Variants in LRRC56 observed in about 807,000 individuals in gnomAD.
LRRC56 encodes the protein leucine rich repeat containing 56, also known as leucine-rich repeat-containing protein 56.
In LRRC56, 41 loss-of-function variants were observed where a neutral mutation model predicts 47.8. The observed-to-expected ratio is 0.86, with a 90% CI of 0.67 to 1.11. LRRC56 has a LOEUF of 1.11. Among genes scored for constraint, LRRC56 ranks in the 50% most tolerant of loss-of-function variants. The pLI is 0.00. For missense variants in LRRC56, 759 were observed against 704.2 expected (o/e 1.08, Z -0.88); for synonymous variants, 387 against 311.2 (o/e 1.24, Z -2.56).
At chr11:547,648 G>A (rs757819043) in intron 6 of LRRC56, among the ~76,000 whole-genome samples, 5 of 151,752 alleles carry the variant, frequency 3.3e-5, no homozygotes, top group South Asian at 2.1e-4. Flanking sequence ...CACCACGCCC[G>A]GCCAGAAGCC....
upstream of LRRC56, among the ~76,000 whole-genome samples, chr11:535,933 G>GCGCGGCGCCGCCCAC (rs1191956403): frequency 2.0e-5 from 3 of 152,148 alleles, no homozygotes; most frequent in African/African-American, 4.8e-5. Flanking sequence ...TGCGCCGGCA[G>GCGCGGCGCCGCCCAC]CGCGGCGCCG....
At chr11:536,822 G>C (rs975519026), upstream of LRRC56, 3 of 152,264 alleles carry the variant, frequency 2.0e-5, no homozygotes, top group African/African-American at 7.2e-5. Context: ...TCCAGCGCCC[G>C]CCTCGCCCTC....
At chr11:532,194 T>C in the LRRC56 span, 1 of 328,786 alleles carries the variant, frequency 3.0e-6, no homozygotes, top group Non-Finnish European at 5.8e-6. Context: ...ACATACCTCA[T>C]GCCAGGCCAC....
the LRRC56 span, among the ~76,000 whole-genome samples, chr11:510,998 G>A: frequency 3.3e-5 from 5 of 152,130 alleles, no homozygotes; most frequent in African/African-American, 9.6e-5. Flanking sequence ...AGTGTCGCAC[G>A]CAGTGGATTT....
chr11:518,776 G>T, the LRRC56 span, among the ~76,000 whole-genome samples: 3 of 152,130 alleles, frequency 2.0e-5, no homozygotes, highest in African/African-American at 7.2e-5. Context: ...CGACGGGGCC[G>T]CCGGAGAGGA....
chr11:507,096 C>G, the LRRC56 span: 1 of 152,236 alleles, frequency 6.6e-6, no homozygotes, highest in Non-Finnish European at 1.5e-5. Context: ...CGCTGACGCA[C>G]CGCTGGAGCT....
chr11:512,100 C>A, the LRRC56 span, among the ~76,000 whole-genome samples: 3 of 152,236 alleles, frequency 2.0e-5, no homozygotes, highest in East Asian at 5.8e-4. Flanking sequence ...CGTGCCACCA[C>A]ACCCAGCTAA....
chr11:542,369 G>A (rs1456937043), intron 5 of LRRC56, among the ~76,000 whole-genome samples: 1 of 152,094 alleles, frequency 6.6e-6, no homozygotes, highest in African/African-American at 2.4e-5. Flanking sequence ...CCAGCACCGT[G>A]GGAGTCCAAG....
intron 6 of LRRC56, among the ~76,000 whole-genome samples, chr11:548,802 C>T (rs1207038423): frequency 3.9e-5 from 6 of 152,164 alleles, no homozygotes; most frequent in African/African-American, 9.7e-5. Flanking sequence ...GCTCCTTAGA[C>T]GTCGCCACAG....
the LRRC56 span, among the ~76,000 whole-genome samples, chr11:530,430 T>TCCCTGGACAGAAGGGCAAGTGTGGCGTC: frequency 2.1e-3 from 283 of 132,712 alleles, no homozygotes; most frequent in Non-Finnish European, 3.5e-3. Context: ...AGTGTGGCAT[T>TCCCTGGACAGAAGGGCAAGTGTGGCGTC]CCCTGGACAG....
chr11:533,308 C>T (rs764211685), upstream of LRRC56: 32 of 1,600,632 alleles, frequency 2.0e-5, no homozygotes, highest in Middle Eastern at 1.7e-4. Flanking sequence ...ACATGGGTCC[C>T]GGGGGGTCCC....
chr11:534,534 C>T (rs1190031670), upstream of LRRC56: 15 of 598,016 alleles, frequency 2.5e-5, no homozygotes, highest in Non-Finnish European at 3.6e-5. Flanking sequence ...AGCTGCAACC[C>T]AGCGTGCGGG....
At chr11:551,561 A>T in intron 9 of LRRC56, 90 bp from the exon 10 acceptor site, 3 of 1,367,924 alleles carry the variant, frequency 2.2e-6, no homozygotes, top group Non-Finnish European at 3.0e-6. Context: ...GCCATGCAGC[A>T]TGGGGATTGG....
upstream of LRRC56, chr11:535,321 C>A (rs1192140658): frequency 8.2e-5 from 12 of 146,416 alleles, no homozygotes; most frequent in African/African-American, 2.9e-4. Flanking sequence ...CCGCTTACGC[C>A]CGCCGGCCCC....
chr11:532,516 G>A, the LRRC56 span: 8 of 1,369,256 alleles, frequency 5.8e-6, no homozygotes, highest in South Asian at 7.6e-5. Context: ...CATGTCCTGA[G>A]CTTGTGCTGG....
At position 541,334 on chromosome 11, in the gene LRRC56, A is replaced by AC. The variant is rs1345423988; in HGVS notation, c.178-197dup. On this transcript the variant is annotated intron_variant, in intron 4 of 13. Transcript: ENST00000270115. The surrounding 1 kb of genome is among the most constrained non-coding windows in gnomAD (Gnocchi z 4.1). ...CAGGGCAGGTCCTTCTCCCGCAATG[A>AC]CCCCCCAGCCAAGTGCAGCACAAGC... 2.0e-5 allele frequency among the ~76,000 whole-genome samples: 3 copies of AC among 151,250 alleles called. No individual in the cohort carries two copies. The highest frequency in any genetic ancestry group is 4.4e-5 in the Non-Finnish European group (3 of 67,802).
chr11:524,057 C>T, the LRRC56 span, among the ~76,000 whole-genome samples: 1 of 152,114 alleles, frequency 6.6e-6, no homozygotes, highest in Non-Finnish European at 1.5e-5. Flanking sequence ...TATCGGTTCT[C>T]GGTAATTGAT....
At chr11:550,339 G>A (rs562711047) in intron 8 of LRRC56, 67 bp downstream of exon 8, 39 of 1,429,048 alleles carry the variant, frequency 2.7e-5, no homozygotes, top group South Asian at 2.1e-4. Context: ...CTCCAGCCCC[G>A]GGGCCCCTCC....
chr11:514,106 C>G, the LRRC56 span, among the ~76,000 whole-genome samples: 1 of 152,062 alleles, frequency 6.6e-6, no homozygotes, highest in East Asian at 1.9e-4. Context: ...ATTCTCTTAC[C>G]TTAGCCTCCG....
Sources: allele counts gnomAD v4.1 joint callset (sites outside exome capture counted in the v4.1 genomes callset), GRCh38; gene constraint gnomAD v4.1.1; non-coding constraint Gnocchi (gnomAD v3.1); transcripts MANE v1.5; gene names NCBI Gene and HGNC (gene_info 2026-07-23, HGNC 2026-07-21).